Variants in AGRN observed in about 807,000 individuals in gnomAD.
AGRN encodes the protein agrin proteoglycan.
In AGRN, 106 loss-of-function variants were observed where a neutral mutation model predicts 211.0. The observed-to-expected ratio is 0.50, with a 90% CI of 0.43 to 0.59. The LOEUF is 0.59. AGRN is among the 20% of genes least tolerant of loss of function. The pLI is 0.00. For synonymous variants in AGRN, 1,525 were observed against 1,332.5 expected, an observed-to-expected ratio of 1.14 and a Z score of -3.15; for missense variants, 3,040 against 2,982.6, an observed-to-expected ratio of 1.02 and a Z score of -0.45.
Position 1,046,542 on chromosome 1 carries a change from G to A in AGRN, c.3057G>A (p.Pro1019=), listed in dbSNP as rs199554974. The stretch of plus-strand genomic sequence containing the variant: ...CCGCACACAGCCAGACCACCCCTCC[G>A]CCCTCATCACGACCTCGGACCACTG... The part of the protein sequence containing the change: ...SSTAHSQTTP[P]PSSRPRTTAS... The change falls in exon 18 of 36, where the codon CCG becomes CCA. Residue 1019 remains proline (P), a synonymous_variant. Transcript: ENST00000379370. 2.5e-5 allele frequency: 40 copies of A among 1,608,722 alleles called. No homozygotes were observed. The highest frequency in any genetic ancestry group is 1.8e-4 in the Admixed American group (11 of 59,760).
rs1570220791 is a variant in AGRN, at chr1:1,045,967, C to T, written c.2684C>T (p.Ala895Val). 28 of 1,613,676 alleles carry T rather than the reference C, an allele frequency of 1.7e-5. No homozygotes were observed. The highest frequency in any genetic ancestry group is 2.4e-5 in the Non-Finnish European group (28 of 1,180,004). Residue 895 changes from alanine (A) to valine (V), a missense_variant, in exon 16 of 36, where the codon GCT becomes GTT. By Grantham distance (64) the Ala-to-Val change is moderately conservative (BLOSUM62 0). Transcript: ENST00000379370. ...GTTTCCCATGCCCGTGCCCCAGACG[C>T]TTCTGCGCCTGCGACCTGTGCGGAG... ...ALGPAGCEAD[A>V]SAPATCAEMR...
intron 15 of AGRN, 34 bp downstream of exon 15, chr1:1,045,910 TG>T: frequency 3.1e-6 from 5 of 1,610,376 alleles, no homozygotes; most frequent in African/African-American, 1.3e-5. Context: ...TGGGGCTTCA[TG>T]GGGTGGGGTG....
At chr1:1,052,816 C>CA (rs1009515768) in intron 33 of AGRN, 19 of 149,622 alleles carry the variant, frequency 1.3e-4, no homozygotes, top group African/African-American at 4.7e-4. Context: ...ATGAGGGAGA[C>CA]ACGCAGGTGT....
intron 33 of AGRN, chr1:1,052,141 G>C: frequency 8.3e-7 from 1 of 1,204,272 alleles, no homozygotes; most frequent in South Asian, 1.3e-5. Context: ...GGGGTCCGGC[G>C]CTATTTGGCT....
rs1324598957 is a variant in AGRN at position 1,045,471 on chromosome 1, T to G, written c.2484T>G (p.Pro828=). ...VGGLRCDRCE[P]GFWNFRGIVT... ...GCCTCAGGTGTGACCGCTGTGAGCCTGGCTTCTGGAACTTTCGAGGCATCG... is the reference window on the plus strand; with the variant it reads ...GCCTCAGGTGTGACCGCTGTGAGCCGGGCTTCTGGAACTTTCGAGGCATCG... The change falls in exon 14 of 36, where the codon CCT becomes CCG. Residue 828 remains proline, a synonymous_variant. Coordinates refer to ENST00000379370, the MANE Select transcript of AGRN (RefSeq NM_198576.4). 1 of 1,612,956 alleles carries G rather than the reference T, an allele frequency of 6.2e-7. No individual in the cohort carries two copies. The highest frequency in any genetic ancestry group is 1.1e-5 in the South Asian group (1 of 91,086).
chr1:1,054,833 CG>C lies in AGRN; in HGVS notation c.5992del (p.Glu1998SerfsTer65). 1 of 1,557,850 alleles carries C rather than the reference CG, an allele frequency of 6.4e-7. No homozygotes were observed. Among genetic ancestry groups the C allele is most frequent in the Non-Finnish European group, 8.7e-7 (1 of 1,153,116 alleles). On this transcript the variant is annotated frameshift_variant, in exon 36 of 36. Coordinates refer to ENST00000379370, the MANE Select transcript of AGRN (RefSeq NM_198576.4). LOFTEE classifies it high-confidence loss of function. ...TDGALWLGGL[P>X]ELPVGPALPK... The stretch of plus-strand genomic sequence containing the variant: ...ACTGTCTGTGCTGCAGGGGGCCTGC[CG>C]GAGCTGCCCGTGGGCCCAGCACTGC...
At chr1:1,051,224 G>A in intron 30 of AGRN, 29 bp from the exon 31 acceptor site, 1 of 1,572,280 alleles carries the variant, frequency 6.4e-7, no homozygotes, top group South Asian at 1.2e-5. Flanking sequence ...GGTGGGCTCT[G>A]CACAGCCACT....
At chr1:1,036,552 C>T (rs908220536) in intron 3 of AGRN, among the ~76,000 whole-genome samples, 3 of 152,058 alleles carry the variant, frequency 2.0e-5, no homozygotes, top group Non-Finnish European at 4.4e-5. Flanking sequence ...CTACTCAACT[C>T]CTGGTCCCAG....
Position 1,020,300 on chromosome 1 carries a change from C to G in AGRN, c.128C>G (p.Ala43Gly), listed in dbSNP as rs1161768779. ...ERALERREEE[A>G]NVVLTGTVEE... ...GCGCTGGAGCGGCGCGAGGAGGAGG[C>G]GAACGTGGTGCTCACCGGGACGGTG... Residue 43 changes from alanine to glycine, a missense_variant, in exon 1 of 36, where the codon GCG (alanine) becomes GGG (glycine). Around this residue, in one of 3 missense-constraint regions of AGRN, gnomAD observed 1,498 missense variants for 1,457.8 expected, o/e 1.03. Transcript: ENST00000379370. 2.0e-6 allele frequency: 3 copies of G among 1,477,704 alleles called. No homozygotes were observed. The highest frequency in any genetic ancestry group is 2.7e-6 in the Non-Finnish European group (3 of 1,113,474). 91.5% of individuals were successfully genotyped at this position (1,477,704 alleles called of 1,614,324 possible). A position where few individuals can be genotyped will look rare whatever the true frequency, so the allele number is the denominator to read the frequency against.
At chr1:1,036,368 C>T (rs1644805414) in intron 3 of AGRN, among the ~76,000 whole-genome samples, 1 of 152,088 alleles carries the variant, frequency 6.6e-6, no homozygotes, top group East Asian at 1.9e-4. Context: ...AGGGTGGGGT[C>T]TTCCCTCGGA....
At chr1:1,026,399 G>A (rs1037809842) in intron 2 of AGRN, among the ~76,000 whole-genome samples, 2 of 152,190 alleles carry the variant, frequency 1.3e-5, no homozygotes, top group African/African-American at 4.8e-5. Flanking sequence ...AAGGCGGGAT[G>A]GGGCTGCTCC....
chr1:1,034,115 C>T (rs965961434), intron 2 of AGRN: 138 of 985,198 alleles, frequency 1.4e-4, no homozygotes, highest in Non-Finnish European at 1.6e-4. Context: ...CTGCCCGCTC[C>T]TATCGCCGCT....
chr1:1,043,816 C>T lies in AGRN; in HGVS notation c.1799-7C>T, dbSNP rs1570208596. On this transcript the variant is annotated splice_region_variant and splice_polypyrimidine_tract_variant and intron_variant, in intron 9 of 35. Coordinates refer to ENST00000379370, the MANE Select transcript of AGRN (RefSeq NM_198576.4). ...TGCCGACCCCTGCCTGGCTCTGTCT[C>T]CTGCAGAGACCTGTGGAGATGCCGT... 7 of 1,610,424 alleles carry T rather than the reference C, an allele frequency of 4.3e-6. No homozygotes were observed. Among genetic ancestry groups the T allele is most frequent in the Non-Finnish European group, 5.9e-6 (7 of 1,179,840 alleles).
intron 2 of AGRN, among the ~76,000 whole-genome samples, chr1:1,027,179 G>A (rs986408099): frequency 1.3e-5 from 2 of 152,238 alleles, no homozygotes; most frequent in Admixed American, 1.3e-4. Context: ...GAGAAGGGGC[G>A]TGCTGTGTCC....
At chr1:1,020,852 G>GGGC (rs1553170889) in intron 1 of AGRN, among the ~76,000 whole-genome samples, 1 of 146,834 alleles carries the variant, frequency 6.8e-6, no homozygotes, top group Admixed American at 6.7e-5. Flanking sequence ...TGGTGCGGGG[G>GGGC]GGGGGCGTGC....
chr1:1,022,895 G>C (rs564698728), intron 2 of AGRN, among the ~76,000 whole-genome samples: 2 of 152,222 alleles, frequency 1.3e-5, no homozygotes, highest in Non-Finnish European at 2.9e-5. Context: ...GAGGCTGTGC[G>C]GCGAGGGCTT....
chr1:1,029,342 C>T (rs1263782307), intron 2 of AGRN, among the ~76,000 whole-genome samples: 1 of 86,328 alleles, frequency 1.2e-5, no homozygotes, highest in Non-Finnish European at 2.5e-5. Flanking sequence ...TAATGTTGCA[C>T]AAAGATATGG....
At position 1,051,304 on chromosome 1, in the gene AGRN, C is replaced by T. The variant is rs1446898012; in HGVS notation, c.5305C>T (p.Pro1769Ser). The T allele has an allele frequency of 6.4e-7, 1 of 1,572,534 alleles. No homozygotes were observed. Among genetic ancestry groups the T allele is most frequent in the Non-Finnish European group, 8.6e-7 (1 of 1,159,746 alleles). Residue 1769 changes from proline (P) to serine (S), a missense_variant, in exon 31 of 36, where the codon CCC (proline) becomes TCC (serine). By Grantham distance (74) the Pro-to-Ser change is moderately conservative. Transcript: ENST00000379370. ...LKEPLYVGGA[P>S]DFSKLARAAA... ...GGAGCCGCTCTACGTAGGGGGCGCTCCCGACTTCAGCAAGCTGGCCCGTGC... is the reference window on the plus strand; with the variant it reads ...GGAGCCGCTCTACGTAGGGGGCGCTTCCGACTTCAGCAAGCTGGCCCGTGC...
chr1:1,048,843 G>T lies in AGRN; in HGVS notation c.4106-24G>T. Reference sequence around the variant, plus strand: ...GGGAATCCTCGGAGCTTTTCCAGCCGGCCCTCCCGGTCGCCCTTTGCAGTG... The same window carrying T: ...GGGAATCCTCGGAGCTTTTCCAGCCTGCCCTCCCGGTCGCCCTTTGCAGTG... On this transcript the variant is annotated intron_variant, in intron 23 of 35. Coordinates refer to ENST00000379370, the MANE Select transcript of AGRN (RefSeq NM_198576.4). This position sits in a 1 kb window ranked among gnomAD's most constrained non-coding sequence, Gnocchi z 5.9. 2 of 1,520,862 alleles carry T rather than the reference G, an allele frequency of 1.3e-6. No individual in the cohort carries two copies. Among genetic ancestry groups the T allele is most frequent in the Non-Finnish European group, 8.8e-7 (1 of 1,135,452 alleles). The allele number at this position is 1,520,862 out of a possible 1,614,324, so 94.2% of individuals were successfully genotyped here.
Sources: allele counts gnomAD v4.1 joint callset (sites outside exome capture counted in the v4.1 genomes callset), GRCh38; gene constraint gnomAD v4.1.1; regional missense constraint gnomAD v4.1.1; non-coding constraint Gnocchi (gnomAD v3.1); transcripts MANE v1.5; gene names NCBI Gene and HGNC (gene_info 2026-07-23, HGNC 2026-07-21).